The following CDK17 variants were observed in gnomAD, a reference collection of about 807,000 sequenced individuals.
CDK17 encodes the protein cyclin-dependent kinase 17.
In CDK17, 24 loss-of-function variants were observed where a neutral mutation model predicts 77.6. The observed-to-expected ratio is 0.31, with a 90% CI of 0.22 to 0.44. The LOEUF (loss-of-function observed/expected upper bound fraction) is 0.44, where lower values mean the gene tolerates loss of function less well. Ranked by LOEUF, CDK17 falls within the 20% of genes least tolerant of loss-of-function variation. The pLI is 1.00. For missense variants in CDK17, 429 were observed against 622.5 expected, an observed-to-expected ratio of 0.69 and a Z score of 3.31; for synonymous variants, 203 against 210.4, an observed-to-expected ratio of 0.96 and a Z score of 0.30.
chr12:96,323,420 C>A (rs899509183), intron 3 of CDK17, among the ~76,000 whole-genome samples: 3 of 152,012 alleles, frequency 2.0e-5, no homozygotes, highest in African/African-American at 7.3e-5. Flanking sequence ...AGCACCACTG[C>A]ATTCCCCTCC....
chr12:96,326,512 T>G (rs1464424008), intron 2 of CDK17, among the ~76,000 whole-genome samples: 1 of 152,196 alleles, frequency 6.6e-6, no homozygotes, highest in Non-Finnish European at 1.5e-5. Context: ...TAACAGGATA[T>G]TCCAGATAGA....
intron 2 of CDK17, among the ~76,000 whole-genome samples, chr12:96,325,668 C>G (rs570172392): frequency 6.6e-6 from 1 of 152,152 alleles, no homozygotes; most frequent in African/African-American, 2.4e-5. Context: ...CAAATGCCTA[C>G]CTAGTAATAC....
chr12:96,351,301 T>G (rs1174368697), intron 1 of CDK17, among the ~76,000 whole-genome samples: 4 of 124,304 alleles, frequency 3.2e-5, no homozygotes, highest in African/African-American at 1.3e-4. Context: ...CCAGCAACTC[T>G]ACTCCTAGGG....
chr12:96,331,676 T>C (rs751445293), intron 2 of CDK17, among the ~76,000 whole-genome samples: 27 of 152,202 alleles, frequency 1.8e-4, no homozygotes, highest in Non-Finnish European at 3.5e-4. Context: ...TGTATTTGGA[T>C]AGAGGTAGAG....
chr12:96,348,523 CAAA>C (rs35363324), intron 1 of CDK17, among the ~76,000 whole-genome samples: 1 of 66,374 alleles, frequency 1.5e-5, no homozygotes. Context: ...GACTCTGTCT[CAAA>C]AAAAAAAAAA....
chr12:96,320,727 A>G (rs1458640895), intron 3 of CDK17, among the ~76,000 whole-genome samples: 69 of 144,358 alleles, frequency 4.8e-4, no homozygotes, highest in Middle Eastern at 3.7e-3. Flanking sequence ...CTATTTAATA[A>G]ATGGTGCTGG....
intron 1 of CDK17, among the ~76,000 whole-genome samples, chr12:96,355,141 C>T (rs887308227): frequency 2.6e-5 from 4 of 152,044 alleles, no homozygotes; most frequent in Non-Finnish European, 4.4e-5. Flanking sequence ...TTTTTAACCT[C>T]GTTTTCTGCC....
At chr12:96,315,586 T>C (rs1386878134) in intron 3 of CDK17, among the ~76,000 whole-genome samples, 9 of 152,218 alleles carry the variant, frequency 5.9e-5, no homozygotes, top group Admixed American at 5.9e-4. Context: ...AATAATTTAA[T>C]CATGGCTTCC....
intron 1 of CDK17, among the ~76,000 whole-genome samples, chr12:96,377,869 AT>A (rs1953809405): frequency 6.6e-6 from 1 of 151,854 alleles, no homozygotes; most frequent in African/African-American, 2.4e-5. Flanking sequence ...AATTTTTTGT[AT>A]TTTTAGTAGA....
intron 4 of CDK17, 96 bp downstream of exon 4, chr12:96,313,225 T>C (rs565288311): frequency 1.0e-6 from 1 of 968,950 alleles, no homozygotes; most frequent in African/African-American, 1.7e-5. Context: ...TTCATGAAAA[T>C]TTTTAAATGG....
intron 2 of CDK17, among the ~76,000 whole-genome samples, chr12:96,326,227 T>C (rs1409092485): frequency 1.3e-5 from 2 of 152,178 alleles, no homozygotes; most frequent in Non-Finnish European, 2.9e-5. Context: ...CATAAGGACA[T>C]ACTATTTGAT....
At chr12:96,297,396 T>A in intron 8 of CDK17, 64 bp from the exon 9 acceptor site, 2 of 1,081,398 alleles carry the variant, frequency 1.8e-6, no homozygotes, top group Non-Finnish European at 2.8e-6. Flanking sequence ...CTGGTTCACT[T>A]AATAGTGTTT....
chr12:96,283,368 A>G (rs1270574270), intron 14 of CDK17, among the ~76,000 whole-genome samples: 1 of 152,184 alleles, frequency 6.6e-6, no homozygotes, highest in Non-Finnish European at 1.5e-5. Flanking sequence ...TGGCCTTGAC[A>G]CAGCTGATCA....
chr12:96,373,488 G>A (rs775890591), intron 1 of CDK17, among the ~76,000 whole-genome samples: 2 of 152,162 alleles, frequency 1.3e-5, no homozygotes, highest in East Asian at 3.8e-4. Flanking sequence ...CAGCTACTAG[G>A]GAGGCTGAGG....
intron 1 of CDK17, among the ~76,000 whole-genome samples, chr12:96,387,532 T>A (rs1316795263): frequency 6.6e-6 from 1 of 152,200 alleles, no homozygotes; most frequent in African/African-American, 2.4e-5. Flanking sequence ...TATATAATAG[T>A]AAACAATAAT....
At chr12:96,340,944 T>C (rs1953112780) in intron 1 of CDK17, among the ~76,000 whole-genome samples, 1 of 152,174 alleles carries the variant, frequency 6.6e-6, no homozygotes, top group Non-Finnish European at 1.5e-5. Flanking sequence ...GTCACCAAAG[T>C]AGTACGTATA....
rs59850919 is a variant in CDK17 at position 96,313,476 on chromosome 12, TAA to T, written c.284-24_284-23del. The T allele has an allele frequency of 2.4e-3, 3,281 of 1,351,146 alleles. 69 individuals carry two copies. The African/African-American group carries it at 0.043, about 18-fold the overall frequency. 83.7% of individuals were successfully genotyped at this position (1,351,146 alleles called of 1,614,324 possible). A position where few individuals can be genotyped will look rare whatever the true frequency, so the allele number is the denominator to read the frequency against. ...ATATCTATATCAAAAAATGAGACAT[TAA>T]AAGAGATACATTATATTCTAATATA... On this transcript the variant is annotated intron_variant, in intron 3 of 16. Transcript: ENST00000261211.
intron 2 of CDK17, among the ~76,000 whole-genome samples, chr12:96,325,854 C>T (rs1209224201): frequency 6.6e-6 from 1 of 152,078 alleles, no homozygotes; most frequent in Non-Finnish European, 1.5e-5. Context: ...ATACAGGCTA[C>T]AGCATACAAT....
At chr12:96,375,801 C>A (rs915745023) in intron 1 of CDK17, among the ~76,000 whole-genome samples, 1 of 152,114 alleles carries the variant, frequency 6.6e-6, no homozygotes, top group Non-Finnish European at 1.5e-5. Flanking sequence ...CTGCCTTGGC[C>A]TCCCAAACTG....
Sources: allele counts gnomAD v4.1 joint callset (sites outside exome capture counted in the v4.1 genomes callset), GRCh38; gene constraint gnomAD v4.1.1; transcripts MANE v1.5; gene names NCBI Gene and HGNC (gene_info 2026-07-23, HGNC 2026-07-21).